Variants in TVP23C observed in about 807,000 individuals in gnomAD.
TVP23C encodes Golgi apparatus membrane protein TVP23 homolog C.
TVP23C carries 19 observed loss-of-function variants against 28.7 expected under a neutral mutation model. The ratio of observed to expected loss-of-function variants is 0.66; its 90% CI spans 0.46 to 0.97. The LOEUF (loss-of-function observed/expected upper bound fraction) is 0.97. TVP23C is among the 50% of genes least tolerant of loss of function. TVP23C has a pLI of 0.00. For synonymous variants in TVP23C, 68 were observed against 81.7 expected (o/e 0.83, Z 0.90); for missense variants, 186 against 241.3 (o/e 0.77, Z 1.52).
At chr17:15,505,365 G>C (rs1325940464) in intron 5 of TVP23C, among the ~76,000 whole-genome samples, 3 of 152,228 alleles carry the variant, frequency 2.0e-5, no homozygotes, top group Non-Finnish European at 4.4e-5. Context: ...TCTCCCACCA[G>C]TCTCAGGCAG....
In TVP23C at chr17:15,539,543, C is replaced by T. The variant is rs1983315269; in HGVS notation, c.*869G>A. ...GCGTGAACCCGGGAGGCGGAGCTTG[C>T]AGTAAGCCGAGATCACGCCACTGCA... On this transcript the variant is annotated 3_prime_UTR_variant, in exon 6 of 6. Coordinates refer to ENST00000518321, the MANE Select transcript of TVP23C (RefSeq NM_001135036.2). The T allele has an allele frequency of 4.1e-6, 3 of 733,678 alleles. No individual in the cohort carries two copies. The highest frequency in any genetic ancestry group is 5.0e-6 in the Non-Finnish European group (3 of 602,132). 45.4% of individuals were successfully genotyped at this position (733,678 alleles called of 1,614,324 possible). A position where few individuals can be genotyped will look rare whatever the true frequency, so the allele number is the denominator to read the frequency against.
At chr17:15,505,022 C>T (rs1981660652) in intron 5 of TVP23C, among the ~76,000 whole-genome samples, 1 of 152,178 alleles carries the variant, frequency 6.6e-6, no homozygotes, top group South Asian at 2.1e-4. Context: ...ACAGCCCAGG[C>T]CACACAGACC....
At chr17:15,547,860 C>T (rs1010465460) in intron 3 of TVP23C, among the ~76,000 whole-genome samples, 1 of 151,964 alleles carries the variant, frequency 6.6e-6, no homozygotes, top group African/African-American at 2.4e-5. Flanking sequence ...TCTGAGGAGT[C>T]AACATTTGGA....
chr17:15,539,856 G>A lies in TVP23C; in HGVS notation c.*556C>T, dbSNP rs1567639546. ...CGCCTGTAATCCCAGCACTTTGGGA[G>A]GCTGAGGTGGGCAGATCACAAGGTC... is the stretch of plus-strand genomic sequence containing the variant. On this transcript the variant is annotated 3_prime_UTR_variant, in exon 6 of 6. Transcript: ENST00000518321. 1.1e-6 allele frequency: 1 copy of A among 893,736 alleles called. No individual in the cohort carries two copies. The highest frequency in any genetic ancestry group is 1.8e-5 in the African/African-American group (1 of 55,372). 55.4% of individuals were successfully genotyped at this position (893,736 alleles called of 1,614,324 possible).
At chr17:15,513,152 A>G (rs1452382836) in intron 5 of TVP23C, among the ~76,000 whole-genome samples, 1 of 152,218 alleles carries the variant, frequency 6.6e-6, no homozygotes, top group Non-Finnish European at 1.5e-5. Flanking sequence ...TGGGGGCTCC[A>G]GAAGGCCAGG....
chr17:15,511,944 G>C (rs146329793), intron 5 of TVP23C, among the ~76,000 whole-genome samples: 3 of 152,170 alleles, frequency 2.0e-5, no homozygotes, highest in Non-Finnish European at 4.4e-5. Context: ...GGAAATTATG[G>C]TTTAATTAGT....
chr17:15,539,069 G>A lies in TVP23C; in HGVS notation c.*1343C>T. The A allele has an allele frequency of 1.0e-6, 1 of 984,154 alleles. No homozygotes were observed. The highest frequency in any genetic ancestry group is 1.7e-5 in the African/African-American group (1 of 57,276). The allele number at this position is 984,154 out of a possible 1,614,324, so 61.0% of individuals were successfully genotyped here. A position where few individuals can be genotyped will look rare whatever the true frequency, so the allele number is the denominator to read the frequency against. Reference sequence around the variant, plus strand: ...TAAGTAAATAATTTAATTTCTCGGGGCTTTAGTTATCTAAAATGTAATCCC... The same window carrying A: ...TAAGTAAATAATTTAATTTCTCGGGACTTTAGTTATCTAAAATGTAATCCC... On this transcript the variant is annotated 3_prime_UTR_variant, in exon 6 of 6. Coordinates refer to ENST00000518321, the MANE Select transcript of TVP23C (RefSeq NM_001135036.2).
rs1394728560 is a variant in TVP23C at position 15,539,116 on chromosome 17, A to T, written c.*1296T>A. On this transcript the variant is annotated 3_prime_UTR_variant, in exon 6 of 6. Coordinates refer to ENST00000518321, the MANE Select transcript of TVP23C (RefSeq NM_001135036.2). ...TCCCTGGACCAGTGCCCTCAGTACC[A>T]CCCAGAAACTTGGGAGAAATGCAAA... The T allele has an allele frequency of 2.1e-6, 2 of 968,304 alleles. No homozygotes were observed. Among genetic ancestry groups the T allele is most frequent in the Non-Finnish European group, 2.5e-6 (2 of 814,570 alleles). The allele number at this position is 968,304 out of a possible 1,614,324, so 60.0% of individuals were successfully genotyped here.
intron 2 of TVP23C, among the ~76,000 whole-genome samples, chr17:15,554,303 T>C (rs1244591586): frequency 7.0e-6 from 1 of 143,724 alleles, no homozygotes; most frequent in East Asian, 2.3e-4. Context: ...GGTGGCGCAA[T>C]CTCGGCTCAC....
rs187434928 is a variant in TVP23C, at chr17:15,549,499, T to G, written c.241-2351A>C. On this transcript the variant is annotated intron_variant, in intron 3 of 5. Transcript: ENST00000518321. ...TTCAAGACCAGCCTGGCTAACATAG[T>G]GAAACCCTGCCTCTACTAAAAATAC... 1.4e-3 allele frequency among the ~76,000 whole-genome samples: 214 copies of G among 152,020 alleles called. 2 individuals carry two copies. The highest frequency in any genetic ancestry group is 4.8e-3 in the African/African-American group (199 of 41,450).
chr17:15,542,681 T>C (rs1195885706), intron 5 of TVP23C, among the ~76,000 whole-genome samples: 1 of 152,100 alleles, frequency 6.6e-6, no homozygotes, highest in Non-Finnish European at 1.5e-5. Flanking sequence ...TTCACCGTGT[T>C]AGCCAGGATG....
At chr17:15,514,801 A>C (rs933470991) in intron 5 of TVP23C, among the ~76,000 whole-genome samples, 3 of 152,172 alleles carry the variant, frequency 2.0e-5, no homozygotes, top group African/African-American at 7.2e-5. Flanking sequence ...CAGGAAATAC[A>C]CATGAAACAA....
At position 15,507,945 on chromosome 17, in the gene TVP23C, G is replaced by A. The variant is rs980170924; in HGVS notation, c.463-4713C>T. Among the ~76,000 whole-genome samples, 8 of 152,200 alleles carry A rather than the reference G, an allele frequency of 5.3e-5. 1 individual carries two copies. Among genetic ancestry groups the A allele is most frequent in the South Asian group, 2.1e-4 (1 of 4,834 alleles). On this transcript the variant is annotated intron_variant, in intron 5 of 5. Transcript: ENST00000225576. ...GGATAAAAATAGTACCACTCCTTTC[G>A]AGTTCATGTAAGGAGTAAATGAATG... is the stretch of plus-strand genomic sequence containing the variant.
chr17:15,518,800 C>A (rs1597510382), intron 5 of TVP23C, among the ~76,000 whole-genome samples: 1 of 152,156 alleles, frequency 6.6e-6, no homozygotes, highest in Admixed American at 6.6e-5. Flanking sequence ...GGTTTTCCAA[C>A]CCTTCCTCAG....
At chr17:15,563,392 A>G (rs1567647442) in intron 1 of TVP23C, 45 bp downstream of exon 1, 3 of 1,574,988 alleles carry the variant, frequency 1.9e-6, no homozygotes, top group South Asian at 1.2e-5. Flanking sequence ...CTGCAGAGCC[A>G]GTCCCAGGAG....
At chr17:15,553,142 A>C (rs1983969434) in intron 3 of TVP23C, among the ~76,000 whole-genome samples, 1 of 138,238 alleles carries the variant, frequency 7.2e-6, no homozygotes, top group Non-Finnish European at 1.5e-5. Context: ...TCAATAGCAC[A>C]CTCCTCCCAC....
chr17:15,546,674 C>T (rs1983660320), intron 4 of TVP23C, among the ~76,000 whole-genome samples: 1 of 147,224 alleles, frequency 6.8e-6, no homozygotes, highest in Non-Finnish European at 1.5e-5. Flanking sequence ...TTTTTCCTGC[C>T]CAGAAATGAA....
chr17:15,556,423 G>A (rs1174658317), intron 1 of TVP23C, among the ~76,000 whole-genome samples: 3 of 144,722 alleles, frequency 2.1e-5, no homozygotes, highest in Non-Finnish European at 4.5e-5. Flanking sequence ...GTGCAGTGGC[G>A]TGGCCTCAAC....
intron 5 of TVP23C, among the ~76,000 whole-genome samples, chr17:15,515,970 T>C (rs1450970377): frequency 1.3e-5 from 2 of 152,158 alleles, no homozygotes; most frequent in Non-Finnish European, 2.9e-5. Context: ...CTGGTTATTT[T>C]AAAAGTGTGT....
Sources: allele counts gnomAD v4.1 joint callset (sites outside exome capture counted in the v4.1 genomes callset), GRCh38; gene constraint gnomAD v4.1.1; transcripts MANE v1.5; gene names NCBI Gene and HGNC (gene_info 2026-07-23, HGNC 2026-07-21).